Variants in PTPRD observed in about 807,000 individuals in gnomAD.
PTPRD encodes protein tyrosine phosphatase receptor type D, also known as receptor-type tyrosine-protein phosphatase delta.
In PTPRD, 34 loss-of-function variants were observed where a neutral mutation model predicts 214.5. The ratio of observed to expected loss-of-function variants is 0.16; its 90% CI spans 0.12 to 0.21. The LOEUF is 0.21. Ranked by LOEUF, PTPRD falls within the 10% of genes least tolerant of loss-of-function variation. The pLI is 1.00. For synonymous variants in PTPRD, 1,128 were observed against 845.7 expected (o/e 1.33, Z -5.79); for missense variants, 2,545 against 2,398.7 (o/e 1.06, Z -1.27).
chr9:8,650,840 T>C (rs538439121), intron 12 of PTPRD, among the ~76,000 whole-genome samples: 1 of 152,218 alleles, frequency 6.6e-6, no homozygotes, highest in East Asian at 1.9e-4. Flanking sequence ...TATGTGTCTA[T>C]GTCCCTTCCA....
At chr9:9,041,030 A>G (rs189856401) in intron 10 of PTPRD, among the ~76,000 whole-genome samples, 1 of 152,142 alleles carries the variant, frequency 6.6e-6, no homozygotes, top group Non-Finnish European at 1.5e-5. Flanking sequence ...AAACTTTCAG[A>G]TGACAAATTG....
intron 3 of PTPRD, among the ~76,000 whole-genome samples, chr9:10,275,650 A>G (rs2094639047): frequency 6.6e-6 from 1 of 152,186 alleles, no homozygotes; most frequent in Admixed American, 6.5e-5. Context: ...CCTCTCTTTC[A>G]AGGTCAAATA....
At position 8,336,013 on chromosome 9, in the gene PTPRD, C is replaced by T. The variant is rs1446773252; in HGVS notation, c.5379+2909G>A. ...GCTCACGGATAGGAAGAATCAATATCGTGAAAATGGCCATACTGCCCAAGG... is the reference window on the plus strand; with the variant it reads ...GCTCACGGATAGGAAGAATCAATATTGTGAAAATGGCCATACTGCCCAAGG... On this transcript the variant is annotated intron_variant, in intron 43 of 45. Coordinates refer to ENST00000381196, the MANE Select transcript of PTPRD (RefSeq NM_002839.4). Among the ~76,000 whole-genome samples the T allele has an allele frequency of 6.6e-5, 10 of 152,022 alleles. No homozygotes were observed. In the East Asian group the frequency reaches 1.7e-3, roughly 27 times the overall value.
intron 6 of PTPRD, among the ~76,000 whole-genome samples, chr9:9,750,489 G>C (rs1000387170): frequency 7.9e-5 from 12 of 152,026 alleles, no homozygotes; most frequent in African/African-American, 2.9e-4. Flanking sequence ...GTTTAACCCA[G>C]TTCTGCACCA....
At chr9:10,320,351 T>C (rs948791701) in intron 3 of PTPRD, among the ~76,000 whole-genome samples, 2 of 152,044 alleles carry the variant, frequency 1.3e-5, no homozygotes, top group Non-Finnish European at 2.9e-5. Context: ...ATTTTCCCTG[T>C]TTTAATCACA....
intron 35 of PTPRD, among the ~76,000 whole-genome samples, chr9:8,427,726 G>T (rs2094781339): frequency 6.6e-6 from 1 of 151,686 alleles, no homozygotes; most frequent in Non-Finnish European, 1.5e-5. Context: ...AAGCCCTAAG[G>T]GTTTGGCCTG....
chr9:9,607,005 A>AAAAAAAAAAAAAT (rs1187365479), intron 7 of PTPRD, among the ~76,000 whole-genome samples: 10 of 119,678 alleles, frequency 8.4e-5, no homozygotes, highest in African/African-American at 3.3e-4. Context: ...AAAAAAAAAA[A>AAAAAAAAAAAAAT]GTGTTTCTGC....
chr9:10,066,879 T>C (rs761423698), intron 3 of PTPRD, among the ~76,000 whole-genome samples: 1 of 151,930 alleles, frequency 6.6e-6, no homozygotes, highest in East Asian at 1.9e-4. Flanking sequence ...CTTAAGTCTC[T>C]GAATGCTAGA....
At chr9:8,449,593 T>C in intron 34 of PTPRD, 132 bp downstream of exon 34, 1 of 836,946 alleles carries the variant, frequency 1.2e-6, no homozygotes, top group East Asian at 2.6e-5. Flanking sequence ...CAAGTCTCCA[T>C]AATAGTAAAA....
intron 10 of PTPRD, among the ~76,000 whole-genome samples, chr9:9,100,518 T>G (rs1420858327): frequency 6.6e-6 from 1 of 152,172 alleles, no homozygotes; most frequent in Non-Finnish European, 1.5e-5. Flanking sequence ...CAGAAGACAA[T>G]TCTGTTGGTA....
At chr9:9,401,065 G>T (rs2070232352) in intron 8 of PTPRD, among the ~76,000 whole-genome samples, 1 of 151,922 alleles carries the variant, frequency 6.6e-6, no homozygotes, top group Non-Finnish European at 1.5e-5. Context: ...TACCTTCTCT[G>T]TATATCTGTA....
intron 10 of PTPRD, among the ~76,000 whole-genome samples, chr9:9,106,632 A>AT (rs1412789246): frequency 4.7e-5 from 7 of 149,900 alleles, no homozygotes; most frequent in Admixed American, 6.6e-5. Flanking sequence ...AAAAAAAAAA[A>AT]AAAGGTTTCA....
chr9:10,244,869 C>T (rs529091918), intron 3 of PTPRD, among the ~76,000 whole-genome samples: 64 of 152,166 alleles, frequency 4.2e-4, no homozygotes, highest in South Asian at 4.1e-4. Context: ...CTTTTCTAAG[C>T]CCAAGGCATA....
intron 5 of PTPRD, among the ~76,000 whole-genome samples, chr9:9,811,206 A>G (rs910373273): frequency 1.3e-5 from 2 of 152,142 alleles, no homozygotes; most frequent in Admixed American, 1.3e-4. Context: ...TCTGTCTCAA[A>G]ATAAATCAAT....
intron 8 of PTPRD, among the ~76,000 whole-genome samples, chr9:9,545,034 G>C (rs2078456221): frequency 6.6e-6 from 1 of 151,656 alleles, no homozygotes; most frequent in African/African-American, 2.4e-5. Context: ...GGAAAGTATA[G>C]AGATTTCAAA....
At chr9:10,314,225 G>A (rs1162638470) in intron 3 of PTPRD, among the ~76,000 whole-genome samples, 6 of 151,850 alleles carry the variant, frequency 4.0e-5, no homozygotes, top group Admixed American at 1.3e-4. Context: ...TTCTGGAAGT[G>A]TGAAGAACAG....
At chr9:9,200,590 G>A (rs2890856) in intron 9 of PTPRD, among the ~76,000 whole-genome samples, 36,726 of 152,038 alleles carry the variant, frequency 0.24, 4,910 homozygotes, top group East Asian at 0.39. Flanking sequence ...GGTAACACAG[G>A]ATTCCAACCA....
intron 3 of PTPRD, among the ~76,000 whole-genome samples, chr9:10,233,187 T>C (rs974620657): frequency 1.3e-5 from 2 of 152,016 alleles, no homozygotes; most frequent in Non-Finnish European, 1.5e-5. Context: ...TGCATATCAA[T>C]GAAGATAATT....
intron 3 of PTPRD, among the ~76,000 whole-genome samples, chr9:10,069,068 C>A (rs537643937): frequency 6.6e-6 from 1 of 152,050 alleles, no homozygotes; most frequent in Non-Finnish European, 1.5e-5. Context: ...CCTTTTGGAT[C>A]TGGCAGCTTG....
Sources: gnomAD v4.1 joint callset for allele counts (sites outside exome capture counted in the v4.1 genomes callset) on GRCh38, gnomAD v4.1.1 for gene constraint, MANE v1.5 for transcripts, NCBI Gene and HGNC (gene_info 2026-07-23, HGNC 2026-07-21) for gene names.